Variants in MTHFD1L observed in about 807,000 individuals in gnomAD.
MTHFD1L encodes methylenetetrahydrofolate dehydrogenase (NADP+ dependent) 1 like, also known as monofunctional C1-tetrahydrofolate synthase, mitochondrial.
Under a neutral mutation model 119.5 loss-of-function variants are expected in MTHFD1L, and 81 were observed. The observed-to-expected ratio is 0.68, with a 90% confidence interval of 0.57 to 0.82. The LOEUF is 0.82. MTHFD1L is among the 40% of genes least tolerant of loss of function. The pLI is 0.00. For missense variants in MTHFD1L, 1,125 were observed against 1,253.4 expected, an observed-to-expected ratio of 0.90 and a Z score of 1.55; for synonymous variants, 430 against 475.2, an observed-to-expected ratio of 0.90 and a Z score of 1.24.
chr6:150,941,476 G>A (rs1793097117), intron 13 of MTHFD1L, among the ~76,000 whole-genome samples: 1 of 152,212 alleles, frequency 6.6e-6, no homozygotes. Flanking sequence ...GAAAGGACCA[G>A]GGGCCTCTCA....
intron 4 of MTHFD1L, among the ~76,000 whole-genome samples, chr6:150,880,149 A>G (rs376023819): frequency 5.3e-5 from 8 of 152,274 alleles, no homozygotes; most frequent in African/African-American, 1.7e-4. Flanking sequence ...TATACAATAC[A>G]TTGTCATTAG....
chr6:150,980,731 GA>G (rs1777359066), intron 20 of MTHFD1L, among the ~76,000 whole-genome samples: 2 of 147,742 alleles, frequency 1.4e-5, no homozygotes, highest in Admixed American at 6.8e-5. Flanking sequence ...AAAAAAGAAA[GA>G]AAGAAAAGAA....
At chr6:150,899,992 TA>T (rs1784862064) in intron 7 of MTHFD1L, among the ~76,000 whole-genome samples, 1 of 147,968 alleles carries the variant, frequency 6.8e-6, no homozygotes, top group African/African-American at 2.5e-5. Context: ...GATATATATA[TA>T]TTTTTTATAT....
At chr6:150,898,344 G>A (rs6929116) in intron 7 of MTHFD1L, among the ~76,000 whole-genome samples, 2,578 of 152,212 alleles carry the variant, frequency 0.017, 71 homozygotes, top group African/African-American at 0.059. Flanking sequence ...GGACTTGAAC[G>A]CAGGTCGCAG....
rs979524081 is a variant in MTHFD1L at position 151,091,143 on chromosome 6, C to T, written c.2848-1324C>T. ...CGTTCTATGTGACTGGGTGCAGCAT[C>T]GCCCCATGTGACTGGGTGCAGCATC... On this transcript the variant is annotated intron_variant, in intron 26 of 27. Transcript: ENST00000367321. Among the ~76,000 whole-genome samples the T allele has an allele frequency of 2.6e-4, 37 of 143,666 alleles. 2 individuals carry two copies. Among genetic ancestry groups the T allele is most frequent in the African/African-American group, 8.3e-4 (31 of 37,336 alleles). The allele number at this position is 143,666 out of a possible 152,430, so 94.3% of individuals were successfully genotyped here.
rs1230886845 is a variant in MTHFD1L, at chr6:150,926,896, T to C, written c.1256+601T>C. On this transcript the variant is annotated intron_variant, in intron 11 of 27. Coordinates refer to ENST00000367321, the MANE Select transcript of MTHFD1L (RefSeq NM_015440.5). The surrounding 1 kb of genome is among the most constrained non-coding windows in gnomAD (Gnocchi z 4.3). Reference sequence around the variant, plus strand: ...CCTTCTTTTTAAAAAAAGAAGTACATTCACTAGCTGAAAAGATGATAGAAA... The same window carrying C: ...CCTTCTTTTTAAAAAAAGAAGTACACTCACTAGCTGAAAAGATGATAGAAA... 1.3e-5 allele frequency among the ~76,000 whole-genome samples: 2 copies of C among 152,172 alleles called. No homozygotes were observed. Among genetic ancestry groups the C allele is most frequent in the Non-Finnish European group, 2.9e-5 (2 of 68,036 alleles).
At chr6:150,923,281 G>A (rs546103747) in intron 10 of MTHFD1L, among the ~76,000 whole-genome samples, 27 of 152,180 alleles carry the variant, frequency 1.8e-4, no homozygotes, top group African/African-American at 6.3e-4. Context: ...GTAGGTCATA[G>A]TCTCAGCTTG....
At chr6:150,871,668 AT>A (rs1174855351) in intron 1 of MTHFD1L, among the ~76,000 whole-genome samples, 2 of 150,074 alleles carry the variant, frequency 1.3e-5, no homozygotes, top group Non-Finnish European at 3.0e-5. Flanking sequence ...CGCCTGGCTA[AT>A]TTTTTTGTAT....
At chr6:150,879,001 G>A (rs1278114589) in intron 4 of MTHFD1L, among the ~76,000 whole-genome samples, 2 of 152,220 alleles carry the variant, frequency 1.3e-5, no homozygotes, top group East Asian at 3.9e-4. Context: ...CATCCATCCC[G>A]TTGTCCCCTA....
chr6:151,080,058 ATCCCAGCCACTCG>A (rs1266546206), intron 26 of MTHFD1L, among the ~76,000 whole-genome samples: 1 of 151,606 alleles, frequency 6.6e-6, no homozygotes, highest in Non-Finnish European at 1.5e-5. Flanking sequence ...ACATCCATAA[ATCCCAGCCACTCG>A]GGAGGCTGAG....
intron 20 of MTHFD1L, among the ~76,000 whole-genome samples, chr6:151,006,072 G>A (rs1274879169): frequency 1.3e-5 from 2 of 152,060 alleles, no homozygotes; most frequent in Non-Finnish European, 2.9e-5. Flanking sequence ...TTAGGAAGTG[G>A]AGCTACCAGA....
intron 1 of MTHFD1L, among the ~76,000 whole-genome samples, chr6:150,866,925 C>T (rs910918750): frequency 6.6e-6 from 1 of 152,212 alleles, no homozygotes; most frequent in African/African-American, 2.4e-5. Flanking sequence ...TTCCGCCTCC[C>T]TCGGAACTGG....
intron 1 of MTHFD1L, among the ~76,000 whole-genome samples, chr6:150,871,944 C>A (rs922232599): frequency 6.6e-6 from 1 of 151,602 alleles, no homozygotes; most frequent in Non-Finnish European, 1.5e-5. Context: ...GTGGCGCGAT[C>A]TCTGCTCACT....
At chr6:150,916,798 T>C (rs1341258200) in intron 8 of MTHFD1L, among the ~76,000 whole-genome samples, 4 of 120,996 alleles carry the variant, frequency 3.3e-5, no homozygotes, top group Non-Finnish European at 4.9e-5. Flanking sequence ...GTTTTGCTCT[T>C]GTTGCCCAGG....
At chr6:151,096,448 CA>C (rs1794904932) in intron 27 of MTHFD1L, among the ~76,000 whole-genome samples, 1 of 152,156 alleles carries the variant, frequency 6.6e-6, no homozygotes, top group Non-Finnish European at 1.5e-5. Context: ...CTATACAAAG[CA>C]AACATTCCCT....
chr6:151,075,713 A>G (rs1455200049), intron 26 of MTHFD1L, among the ~76,000 whole-genome samples: 1 of 152,232 alleles, frequency 6.6e-6, no homozygotes, highest in Admixed American at 6.5e-5. Flanking sequence ...ATTCTGAGTC[A>G]CAAAATGTCT....
chr6:150,945,601 T>C (rs1793802141), intron 15 of MTHFD1L, 60 bp downstream of exon 15: 1 of 1,514,782 alleles, frequency 6.6e-7, no homozygotes, highest in Non-Finnish European at 9.1e-7. Flanking sequence ...ATCAGAAAGA[T>C]TGTCAAAGCC....
Position 150,913,755 on chromosome 6 carries a change from G to A in MTHFD1L, c.893-4822G>A, listed in dbSNP as rs147473283. On this transcript the variant is annotated intron_variant, in intron 8 of 27. Transcript: ENST00000367321. The stretch of plus-strand genomic sequence containing the variant: ...ACACTTGTAATCCCAGCACTTTGGG[G>A]GGCCTAAGTGGGCTGATTGCTTGAG... 1.6e-3 allele frequency among the ~76,000 whole-genome samples: 244 copies of A among 152,198 alleles called. 1 individual carries two copies. Among genetic ancestry groups the A allele is most frequent in the African/African-American group, 5.5e-3 (230 of 41,548 alleles).
At chr6:151,001,560 G>T (rs1007452634) in intron 20 of MTHFD1L, among the ~76,000 whole-genome samples, 1 of 152,158 alleles carries the variant, frequency 6.6e-6, no homozygotes, top group Non-Finnish European at 1.5e-5. Context: ...AGAGCATTGG[G>T]GTCACTCATT....
Sources: gnomAD v4.1 joint callset for allele counts (sites outside exome capture counted in the v4.1 genomes callset) on GRCh38, gnomAD v4.1.1 for gene constraint, Gnocchi (gnomAD v3.1) non-coding constraint, MANE v1.5 for transcripts, NCBI Gene and HGNC (gene_info 2026-07-23, HGNC 2026-07-21) for gene names.